Variants in CDHR3 observed in about 807,000 individuals in gnomAD.
CDHR3 encodes cadherin related family member 3.
In CDHR3, 79 loss-of-function variants were observed where a neutral mutation model predicts 86.6. The ratio of observed to expected loss-of-function variants is 0.91; its 90% CI spans 0.76 to 1.10. The LOEUF is 1.10. Ranked by LOEUF, CDHR3 falls within the 50% of genes least tolerant of loss-of-function variation. The pLI, the probability that CDHR3 is intolerant of heterozygous loss-of-function variation, is 0.00. For missense variants in CDHR3, 1,081 were observed against 1,077.6 expected, an observed-to-expected ratio of 1.00 and a Z score of -0.04; for synonymous variants, 421 against 402.4, an observed-to-expected ratio of 1.05 and a Z score of -0.55.
chr7:105,982,402 G>A (rs1829885303), intron 3 of CDHR3, among the ~76,000 whole-genome samples: 1 of 148,146 alleles, frequency 6.8e-6, no homozygotes, highest in Admixed American at 6.8e-5. Context: ...CCGGGAGGTG[G>A]AGCTTGCAGT....
intron 6 of CDHR3, among the ~76,000 whole-genome samples, chr7:106,000,927 G>GA: frequency 8.4e-6 from 1 of 118,472 alleles, no homozygotes; most frequent in African/African-American, 3.0e-5. Context: ...AGACAAGGAA[G>GA]AAAAAAAAGT....
intron 1 of CDHR3, among the ~76,000 whole-genome samples, chr7:105,967,661 A>G (rs1358616388): frequency 1.3e-5 from 2 of 152,142 alleles, no homozygotes; most frequent in East Asian, 3.8e-4. Context: ...CTGGTGTAAG[A>G]TGGTATCTCA....
rs1830211165 is a variant in CDHR3, at chr7:105,984,280, T to TC, written c.508dup (p.Leu170ProfsTer17). 1 of 1,609,624 alleles carries TC rather than the reference T, an allele frequency of 6.2e-7. No individual in the cohort carries two copies. The highest frequency in any genetic ancestry group is 1.3e-5 in the African/African-American group (1 of 74,818). On this transcript the variant is annotated frameshift_variant, in exon 4 of 19. Coordinates refer to ENST00000317716, the MANE Select transcript of CDHR3 (RefSeq NM_152750.5). LOFTEE classifies it high-confidence loss of function. ...ATCCAGAAGACACAAGCCGAAACAT[T>TC]CCCCTCAGTGTAAGTGTCCTTATAT... is the stretch of plus-strand genomic sequence containing the variant.
intron 2 of CDHR3, among the ~76,000 whole-genome samples, chr7:105,978,532 G>A (rs116760482): frequency 0.02 from 2,978 of 152,066 alleles, 96 homozygotes; most frequent in African/African-American, 0.069. Flanking sequence ...CAACCAAATC[G>A]AGGGTCCACC....
chr7:105,987,716 T>A (rs887225695), intron 4 of CDHR3, among the ~76,000 whole-genome samples: 4 of 152,166 alleles, frequency 2.6e-5, no homozygotes, highest in African/African-American at 4.8e-5. Flanking sequence ...CCCCAGGGAA[T>A]CTAATGTATG....
Position 105,977,443 on chromosome 7 carries a change from G to C in CDHR3, c.249+2397G>C, listed in dbSNP as rs60866843. 1.4e-4 allele frequency among the ~76,000 whole-genome samples: 22 copies of C among 152,312 alleles called. No individual in the cohort carries two copies. In the South Asian group the frequency reaches 4.6e-3, roughly 32 times the overall value. Reference sequence around the variant, plus strand: ...ACCTCTAGAAATGGCAGATTGCTTAGCACCTCAACTCATCTAGGCTCAAGT... The same window carrying C: ...ACCTCTAGAAATGGCAGATTGCTTACCACCTCAACTCATCTAGGCTCAAGT... On this transcript the variant is annotated intron_variant, in intron 2 of 18. Transcript: ENST00000317716.
chr7:105,969,332 G>A (rs1243611528), intron 1 of CDHR3, among the ~76,000 whole-genome samples: 1 of 148,200 alleles, frequency 6.7e-6, no homozygotes, highest in Non-Finnish European at 1.5e-5. Flanking sequence ...CCCAGGGGGC[G>A]GAGCCTGCAG....
rs1275736169 is a variant in CDHR3, at chr7:106,034,993, C to T, written c.*2296C>T. Among the ~76,000 whole-genome samples the T allele has an allele frequency of 6.6e-6, 1 of 151,658 alleles. No individual in the cohort carries two copies. The highest frequency in any genetic ancestry group is 6.6e-5 in the Admixed American group (1 of 15,228). ...ACTCAGGAGGCTGAGGCAAGAGAAT[C>T]GCTTGAACCCAGGAGGCAGAAGTTG... On this transcript the variant is annotated 3_prime_UTR_variant, in exon 19 of 19. Transcript: ENST00000317716.
chr7:105,998,738 C>T (rs1832658466), intron 6 of CDHR3, among the ~76,000 whole-genome samples: 2 of 151,814 alleles, frequency 1.3e-5, no homozygotes, highest in African/African-American at 4.8e-5. Flanking sequence ...GAGCTGAGAT[C>T]ATGCCATTGC....
intron 4 of CDHR3, among the ~76,000 whole-genome samples, chr7:105,987,956 T>C (rs559195128): frequency 2.2e-4 from 34 of 152,360 alleles, no homozygotes; most frequent in African/African-American, 7.7e-4. Context: ...ACTGGTGCAA[T>C]CACAGCTCAC....
chr7:106,007,201 C>T (rs1400042427), intron 8 of CDHR3, among the ~76,000 whole-genome samples: 3 of 152,220 alleles, frequency 2.0e-5, no homozygotes, highest in Non-Finnish European at 2.9e-5. Flanking sequence ...CCCATGAAGC[C>T]GTTTCTTCCT....
rs570293645 is a variant in CDHR3, at chr7:105,963,312, A to G, written c.-7A>G. On this transcript the variant is annotated 5_prime_UTR_variant, in exon 1 of 19. Transcript: ENST00000317716. ...GCTGGAAGCACGCACAGTTGTGACCATCAAGTATGCAGGAAGCAATCATTC... is the reference window on the plus strand; with the variant it reads ...GCTGGAAGCACGCACAGTTGTGACCGTCAAGTATGCAGGAAGCAATCATTC... 6.2e-7 allele frequency: 1 copy of G among 1,613,976 alleles called. No individual in the cohort carries two copies. Among genetic ancestry groups the G allele is most frequent in the East Asian group, 2.2e-5 (1 of 44,886 alleles).
At chr7:105,992,751 T>C (rs1340232018) in intron 4 of CDHR3, among the ~76,000 whole-genome samples, 2 of 152,234 alleles carry the variant, frequency 1.3e-5, no homozygotes, top group Non-Finnish European at 2.9e-5. Context: ...GATAACATCA[T>C]TGCTATTTTT....
rs144555046 is a variant in CDHR3, at chr7:106,024,175, A to G, written c.2077-206A>G. On this transcript the variant is annotated intron_variant, in intron 14 of 18. Coordinates refer to ENST00000317716, the MANE Select transcript of CDHR3 (RefSeq NM_152750.5). Reference sequence around the variant, plus strand: ...TAGAGTTGTTTTTCAGTTCCCTAAAATTTCTGGGTTTTGATCTAATGGATG... The same window carrying G: ...TAGAGTTGTTTTTCAGTTCCCTAAAGTTTCTGGGTTTTGATCTAATGGATG... Among the ~76,000 whole-genome samples the G allele has an allele frequency of 1.6e-3, 239 of 152,256 alleles. 1 individual carries two copies. Among genetic ancestry groups the G allele is most frequent in the African/African-American group, 5.4e-3 (226 of 41,550 alleles).
At chr7:105,974,281 C>T (rs1386236825) in intron 1 of CDHR3, among the ~76,000 whole-genome samples, 1 of 152,170 alleles carries the variant, frequency 6.6e-6, no homozygotes, top group African/African-American at 2.4e-5. Flanking sequence ...ACTGCTTGGC[C>T]CTCTGCATGA....
At chr7:105,969,397 C>CA (rs760242300) in intron 1 of CDHR3, among the ~76,000 whole-genome samples, 32,086 of 79,648 alleles carry the variant, frequency 0.4, 6,814 homozygotes, top group South Asian at 0.52. Context: ...GACTCCGTCT[C>CA]AAAAAAAAAA....
chr7:105,963,437 C>T, intron 1 of CDHR3, 73 bp downstream of exon 1: 1 of 1,504,312 alleles, frequency 6.6e-7, no homozygotes, highest in Non-Finnish European at 9.2e-7. Flanking sequence ...TGACAATGTC[C>T]CCCAGAAAGG....
At chr7:106,011,982 A>G (rs1443208126) in intron 8 of CDHR3, among the ~76,000 whole-genome samples, 6 of 152,200 alleles carry the variant, frequency 3.9e-5, no homozygotes, top group Non-Finnish European at 8.8e-5. Context: ...GGAATTCTCA[A>G]TCTTCAAAGC....
chr7:105,968,162 C>G (rs1444710393), intron 1 of CDHR3, among the ~76,000 whole-genome samples: 1 of 152,104 alleles, frequency 6.6e-6, no homozygotes, highest in Non-Finnish European at 1.5e-5. Flanking sequence ...ATAAAGGGCT[C>G]TTTTCTGTTA....
Sources: gnomAD v4.1 joint callset for allele counts (sites outside exome capture counted in the v4.1 genomes callset) on GRCh38, gnomAD v4.1.1 for gene constraint, MANE v1.5 for transcripts, NCBI Gene and HGNC (gene_info 2026-07-23, HGNC 2026-07-21) for gene names.